The following ATG7 variants were observed in gnomAD, a reference collection of about 807,000 sequenced individuals.
ATG7 encodes ubiquitin-like modifier-activating enzyme ATG7.
A neutral mutation model predicts 82.4 loss-of-function variants in ATG7; 70 were observed. That is an observed-to-expected ratio of 0.85 (90% CI 0.70 to 1.04). ATG7 has a LOEUF of 1.04. ATG7 is among the 50% of genes least tolerant of loss of function. The pLI, the probability that ATG7 is intolerant of heterozygous loss-of-function variation, is 0.00. For missense variants in ATG7, 792 were observed against 864.3 expected (o/e 0.92, Z 1.05); for synonymous variants, 287 against 313.0 (o/e 0.92, Z 0.88).
chr3:11,404,277 A>G (rs565758314), intron 19 of ATG7, among the ~76,000 whole-genome samples: 47 of 151,790 alleles, frequency 3.1e-4, no homozygotes, highest in Non-Finnish European at 5.3e-4. Context: ...CTGGGATTAC[A>G]GGTGCTCGCC....
At chr3:11,397,568 C>T (rs1028915606) in intron 19 of ATG7, among the ~76,000 whole-genome samples, 4 of 151,892 alleles carry the variant, frequency 2.6e-5, no homozygotes, top group African/African-American at 7.2e-5. Flanking sequence ...AATGATTCTC[C>T]TGCCTCAGCC....
At chr3:11,540,113 A>G (rs1391733577) in intron 20 of ATG7, among the ~76,000 whole-genome samples, 1 of 152,210 alleles carries the variant, frequency 6.6e-6, no homozygotes, top group Non-Finnish European at 1.5e-5. Flanking sequence ...TTTAACTTTT[A>G]AGAAACTGTT....
At chr3:11,486,499 T>G (rs1161644011) in intron 20 of ATG7, among the ~76,000 whole-genome samples, 11 of 151,610 alleles carry the variant, frequency 7.3e-5, no homozygotes, top group Non-Finnish European at 1.3e-4. Context: ...ACAATTTGAC[T>G]TCCTCTTTTC....
chr3:11,378,684 CCAAA>C (rs764494760), intron 18 of ATG7, among the ~76,000 whole-genome samples: 1 of 22,986 alleles, frequency 4.4e-5, no homozygotes, highest in African/African-American at 1.2e-4. Flanking sequence ...GACTCCATCT[CCAAA>C]AAAAAAAAAA....
chr3:11,425,713 G>C (rs942707942), intron 19 of ATG7, among the ~76,000 whole-genome samples: 1 of 151,976 alleles, frequency 6.6e-6, no homozygotes, highest in Non-Finnish European at 1.5e-5. Context: ...TAAGTCTTCT[G>C]TTCAACTTAA....
intron 19 of ATG7, among the ~76,000 whole-genome samples, chr3:11,394,418 T>C (rs1337205456): frequency 6.6e-6 from 1 of 152,188 alleles, no homozygotes; most frequent in Non-Finnish European, 1.5e-5. Context: ...ATAAGGAGAT[T>C]CTGAGTTGAG....
intron 20 of ATG7, among the ~76,000 whole-genome samples, chr3:11,525,309 G>GT (rs2092548423): frequency 6.6e-6 from 1 of 151,340 alleles, no homozygotes; most frequent in East Asian, 1.9e-4. Context: ...AGGATTATAG[G>GT]TATGAGCCAC....
chr3:11,307,939 C>T (rs1948026054), intron 6 of ATG7, among the ~76,000 whole-genome samples: 1 of 152,174 alleles, frequency 6.6e-6, no homozygotes, highest in African/African-American at 2.4e-5. Flanking sequence ...GCTCCTGGGC[C>T]TCCTGCTTTG....
rs77843565 is a variant in ATG7, at chr3:11,333,213, C to T, written c.889+120C>T. ...AAGGAAGAGAAAAGTACAACTTGTA[C>T]CTCTTTGCCAATGCAGACACCTACT... On this transcript the variant is annotated intron_variant, in intron 11 of 20. Coordinates refer to ENST00000693202, the MANE Select transcript of ATG7 (RefSeq NM_001349232.2). 37 of 1,305,662 alleles carry T rather than the reference C, an allele frequency of 2.8e-5. No individual in the cohort carries two copies. The East Asian group carries it at 1.0e-3, about 37-fold the overall frequency. The allele number at this position is 1,305,662 out of a possible 1,614,324, so 80.9% of individuals were successfully genotyped here. A position where few individuals can be genotyped will look rare whatever the true frequency, so the allele number is the denominator to read the frequency against.
intron 2 of ATG7, among the ~76,000 whole-genome samples, chr3:11,281,821 T>C (rs561983220): frequency 8.6e-5 from 13 of 151,986 alleles, no homozygotes; most frequent in Non-Finnish European, 1.9e-4. Flanking sequence ...AATCAAACAT[T>C]TTGAAAATCG....
intron 20 of ATG7, among the ~76,000 whole-genome samples, chr3:11,535,054 G>A (rs76540982): frequency 0.036 from 5,498 of 152,332 alleles, 324 homozygotes; most frequent in African/African-American, 0.12. Context: ...CTGCCCTTGC[G>A]GGTCACCTCC....
intron 20 of ATG7, among the ~76,000 whole-genome samples, chr3:11,457,871 C>T (rs530275100): frequency 6.6e-6 from 1 of 152,230 alleles, no homozygotes; most frequent in South Asian, 2.1e-4. Flanking sequence ...AGGGCAAGGA[C>T]TGTGTCTTAG....
At chr3:11,417,615 TATA>T (rs1231416117) in intron 19 of ATG7, among the ~76,000 whole-genome samples, 1 of 151,960 alleles carries the variant, frequency 6.6e-6, no homozygotes. Context: ...CTTGTTCCAT[TATA>T]ATAATCTGCC....
chr3:11,499,823 C>T (rs2091188009), intron 20 of ATG7, among the ~76,000 whole-genome samples: 1 of 151,994 alleles, frequency 6.6e-6, no homozygotes, highest in Admixed American at 6.6e-5. Context: ...AGGGCACCTC[C>T]ACACGCAGTT....
At chr3:11,467,429 T>G (rs2086942034) in intron 20 of ATG7, among the ~76,000 whole-genome samples, 1 of 152,214 alleles carries the variant, frequency 6.6e-6, no homozygotes, top group Non-Finnish European at 1.5e-5. Flanking sequence ...CAGGCTGCAG[T>G]GCAATGGTGC....
chr3:11,355,856 G>C (rs1575660515), intron 14 of ATG7, among the ~76,000 whole-genome samples: 1 of 152,090 alleles, frequency 6.6e-6, no homozygotes, highest in Admixed American at 6.5e-5. Flanking sequence ...CTTTACCTAA[G>C]AGAAATGAAA....
At chr3:11,465,090 T>A (rs1576606232) in intron 20 of ATG7, among the ~76,000 whole-genome samples, 1 of 112,690 alleles carries the variant, frequency 8.9e-6, no homozygotes, top group East Asian at 2.1e-4. Context: ...AAACCTAAAG[T>A]GTGTGTGTGT....
At chr3:11,277,033 C>T (rs1941961856) in intron 1 of ATG7, among the ~76,000 whole-genome samples, 1 of 152,196 alleles carries the variant, frequency 6.6e-6, no homozygotes, top group South Asian at 2.1e-4. Context: ...CAGACTCTTC[C>T]TCTGGTACTA....
intron 20 of ATG7, among the ~76,000 whole-genome samples, chr3:11,544,744 A>G (rs772299512): frequency 2.8e-4 from 42 of 152,252 alleles, no homozygotes; most frequent in Non-Finnish European, 5.3e-4. Flanking sequence ...TGGTCACACC[A>G]AAAATCCCCC....
Sources: allele counts gnomAD v4.1 joint callset (sites outside exome capture counted in the v4.1 genomes callset), GRCh38; gene constraint gnomAD v4.1.1; transcripts MANE v1.5; gene names NCBI Gene and HGNC (gene_info 2026-07-23, HGNC 2026-07-21).